ARL10: variants seen among roughly 807,000 people sequenced by gnomAD.
ARL10 encodes the protein ARF like GTPase 10.
ARL10 carries 23 observed loss-of-function variants against 26.1 expected under a neutral mutation model. The observed-to-expected ratio is 0.88, with a 90% CI of 0.63 to 1.25. The LOEUF (loss-of-function observed/expected upper bound fraction) is 1.25, where lower values mean the gene tolerates loss of function less well. Ranked by LOEUF, ARL10 falls within the 50% of genes most tolerant of loss-of-function variation. The probability of loss-of-function intolerance (pLI) is 0.00; values close to 1 mark genes in which losing one functional copy is unlikely to be tolerated. For synonymous variants in ARL10, 138 were observed against 149.1 expected (o/e 0.93, Z 0.54); for missense variants, 300 against 323.6 (o/e 0.93, Z 0.56).
downstream of ARL10, chr5:176,389,814 T>C (rs1756187556): frequency 4.3e-6 from 1 of 230,922 alleles, no homozygotes; most frequent in South Asian, 8.5e-5. Context: ...AAACGGACTT[T>C]GGAGTGGTGC....
downstream of ARL10, among the ~76,000 whole-genome samples, chr5:176,382,886 G>T (rs929182356): frequency 6.6e-6 from 1 of 152,220 alleles, no homozygotes; most frequent in Non-Finnish European, 1.5e-5. Flanking sequence ...CCTGAATTTG[G>T]AATCCTGTGG....
intron 1 of ARL10, among the ~76,000 whole-genome samples, chr5:176,398,629 T>C (rs1031836224): frequency 7.3e-5 from 11 of 151,720 alleles, no homozygotes; most frequent in African/African-American, 2.4e-4. Flanking sequence ...GGAGAATCAC[T>C]TGAACCCGGG....
intron 1 of ARL10, chr5:176,397,559 C>A (rs1418078821): frequency 5.9e-6 from 6 of 1,020,394 alleles, no homozygotes; most frequent in Non-Finnish European, 8.5e-6. Flanking sequence ...GTCCCCACAG[C>A]CCCCCTCATG....
Position 176,368,709 on chromosome 5 carries a change from G to A in ARL10, c.386-98G>A. 1 of 1,321,010 alleles carries A rather than the reference G, an allele frequency of 7.6e-7. No homozygotes were observed. The highest frequency in any genetic ancestry group is 1.0e-6 in the Non-Finnish European group (1 of 995,538). 81.8% of individuals were successfully genotyped at this position (1,321,010 alleles called of 1,614,324 possible). The stretch of plus-strand genomic sequence containing the variant: ...GAGCGGGGGCCCGGGGTGGGGTGGG[G>A]GCTGTGGGCAGTGAGCGGGGGCCCG... On this transcript the variant is annotated intron_variant, in intron 2 of 3. Coordinates refer to ENST00000310389, the MANE Select transcript of ARL10 (RefSeq NM_173664.6). The surrounding 1 kb of genome is among the most constrained non-coding windows in gnomAD (Gnocchi z 4.1).
chr5:176,383,835 G>T, downstream of ARL10: 1 of 723,802 alleles, frequency 1.4e-6, no homozygotes, highest in Non-Finnish European at 2.2e-6. Flanking sequence ...GCAAGTGAAC[G>T]TAGCACTTGC....
In ARL10 at chr5:176,395,906, G is replaced by T. The variant is rs995230031; in HGVS notation, c.134-5835G>T. On this transcript the variant is annotated intron_variant, in intron 1 of 1. Coordinates refer to the ARL10 transcript ENST00000514533. The stretch of plus-strand genomic sequence containing the variant: ...TCCCAGCACTTTGGGAGGCCGAGGT[G>T]GGTGGATCACCTGAGGTCAGGAGTT... Among the ~76,000 whole-genome samples, 4 of 152,290 alleles carry T rather than the reference G, an allele frequency of 2.6e-5. No individual in the cohort carries two copies. The East Asian group carries it at 7.7e-4, about 29-fold the overall frequency.
chr5:176,412,042 G>A, the ARL10 span, among the ~76,000 whole-genome samples: 2 of 152,002 alleles, frequency 1.3e-5, no homozygotes, highest in Non-Finnish European at 2.9e-5. Flanking sequence ...CAGGCGTGGT[G>A]GCAGGCGCCT....
At chr5:176,371,217 A>G (rs1361176867) in intron 3 of ARL10, among the ~76,000 whole-genome samples, 1 of 152,120 alleles carries the variant, frequency 6.6e-6, no homozygotes, top group Non-Finnish European at 1.5e-5. Flanking sequence ...TCTACTAAAA[A>G]TACAAAAATT....
At chr5:176,406,140 G>A, downstream of ARL10, 1 of 986,350 alleles carries the variant, frequency 1.0e-6, no homozygotes. Context: ...GCCACAACTG[G>A]GCTCTCGTTT....
rs113934356 is a variant in ARL10 at position 176,393,953 on chromosome 5, C to A, written c.134-7788C>A. Among the ~76,000 whole-genome samples, 1 of 152,276 alleles carries A rather than the reference C, an allele frequency of 6.6e-6. No homozygotes were observed. The highest frequency in any genetic ancestry group is 2.4e-5 in the African/African-American group (1 of 41,562). On this transcript the variant is annotated intron_variant, in intron 1 of 1. Coordinates refer to the ARL10 transcript ENST00000514533. This position sits in a 1 kb window ranked among gnomAD's most constrained non-coding sequence, Gnocchi z 4.4. ...CCATCTCAAGCAGGACCAGTTCTGC[C>A]GATGCCAGACATGACTGATGGCAGG...
At chr5:176,387,911 T>G (rs1439108955) in intron 1 of ARL10, among the ~76,000 whole-genome samples, 1 of 152,150 alleles carries the variant, frequency 6.6e-6, no homozygotes, top group Non-Finnish European at 1.5e-5. Context: ...AGTAAAGATC[T>G]CCAACTCTTA....
chr5:176,371,160 A>G (rs1248475349), intron 3 of ARL10, among the ~76,000 whole-genome samples: 2 of 152,198 alleles, frequency 1.3e-5, no homozygotes, highest in East Asian at 3.9e-4. Flanking sequence ...GGATCACCTG[A>G]GGTCAGGAGT....
chr5:176,387,017 G>A, intron 1 of ARL10: 2 of 930,554 alleles, frequency 2.1e-6, no homozygotes, highest in South Asian at 1.4e-5. Flanking sequence ...CCTGCCCACG[G>A]TTAGGTAGAA....
Position 176,372,070 on chromosome 5 carries a change from G to C in ARL10, c.*175G>C. The C allele has an allele frequency of 1.4e-6, 2 of 1,430,226 alleles. No individual in the cohort carries two copies. The highest frequency in any genetic ancestry group is 3.0e-5 in the South Asian group (2 of 66,110). 88.6% of individuals were successfully genotyped at this position (1,430,226 alleles called of 1,614,324 possible). ...CAAGAACCATGCAGAAGCCTTCCTGGTGAGGTGGCCGTGAAGCCGAAGCAG... is the reference window on the plus strand; with the variant it reads ...CAAGAACCATGCAGAAGCCTTCCTGCTGAGGTGGCCGTGAAGCCGAAGCAG... On this transcript the variant is annotated 3_prime_UTR_variant, in exon 4 of 4. Coordinates refer to ENST00000310389, the MANE Select transcript of ARL10 (RefSeq NM_173664.6).
intron 1 of ARL10, chr5:176,396,606 TAGAG>T (rs374264390): frequency 1.1e-4 from 105 of 979,440 alleles, no homozygotes; most frequent in Non-Finnish European, 1.3e-4. Flanking sequence ...GGCAGAAGGT[TAGAG>T]AGAGAGAGAG....
Position 176,368,696 on chromosome 5 carries a change from G to A in ARL10, c.386-111G>A, listed in dbSNP as rs1294157772. ...GGCTGTGGGCAGTGAGCGGGGGCCC[G>A]GGGTGGGGTGGGGGCTGTGGGCAGT... On this transcript the variant is annotated intron_variant, in intron 2 of 3. Transcript: ENST00000310389. This position sits in a 1 kb window ranked among gnomAD's most constrained non-coding sequence, Gnocchi z 4.1. 3.2e-5 allele frequency: 41 copies of A among 1,267,970 alleles called. 1 individual carries two copies. The highest frequency in any genetic ancestry group is 2.8e-4 in the South Asian group (18 of 63,656). 78.5% of individuals were successfully genotyped at this position (1,267,970 alleles called of 1,614,324 possible).
chr5:176,373,168 A>T lies in ARL10; in HGVS notation c.*1273A>T, dbSNP rs1405329845. The T allele has an allele frequency of 5.0e-6, 2 of 397,196 alleles. No individual in the cohort carries two copies. Among genetic ancestry groups the T allele is most frequent in the Non-Finnish European group, 8.9e-6 (2 of 225,746 alleles). The allele number at this position is 397,196 out of a possible 1,614,324, so 24.6% of individuals were successfully genotyped here. On this transcript the variant is annotated 3_prime_UTR_variant, in exon 4 of 4. Transcript: ENST00000310389. ...GAAAAAAATTGTATTATGTGATCCT[A>T]AGGACAGGAATAGCAGACCAGCCAA...
At chr5:176,389,347 G>T (rs1756165085), downstream of ARL10, 3 of 1,613,314 alleles carry the variant, frequency 1.9e-6, no homozygotes, top group Middle Eastern at 1.7e-4. Context: ...TGGCCACGGC[G>T]GCCGCCCTCA....
At chr5:176,384,644 C>T (rs568421347), downstream of ARL10, 3 of 483,464 alleles carry the variant, frequency 6.2e-6, no homozygotes, top group Non-Finnish European at 1.1e-5. Context: ...AATTAACCAT[C>T]CTGTGGTCCC....
Sources: allele counts gnomAD v4.1 joint callset (sites outside exome capture counted in the v4.1 genomes callset), GRCh38; gene constraint gnomAD v4.1.1; non-coding constraint Gnocchi (gnomAD v3.1); transcripts MANE v1.5; gene names NCBI Gene and HGNC (gene_info 2026-07-23, HGNC 2026-07-21).